Variants in PLCB2 observed in about 807,000 individuals in gnomAD.
PLCB2 encodes the protein phospholipase C beta 2, also known as 1-phosphatidylinositol 4,5-bisphosphate phosphodiesterase beta-2.
PLCB2 carries 115 observed loss-of-function variants against 141.7 expected under a neutral mutation model. The observed-to-expected ratio is 0.81, with a 90% CI of 0.70 to 0.95. The LOEUF is 0.95. PLCB2 is among the 40% of genes least tolerant of loss of function. PLCB2 has a pLI of 0.00. For missense variants in PLCB2, 1,403 were observed against 1,541.1 expected (o/e 0.91, Z 1.50); for synonymous variants, 603 against 595.6 (o/e 1.01, Z -0.18).
In PLCB2 at chr15:40,289,956, A is replaced by G. The variant is rs71403570; in HGVS notation, c.3267+69T>C. On this transcript the variant is annotated intron_variant, in intron 30 of 31. Coordinates refer to ENST00000260402, the MANE Select transcript of PLCB2 (RefSeq NM_004573.3). ...GAGAGAGAGAGAGAGAGAGAGAGAG[A>G]GAGAGAGAGAGAGTGTGTGTGTGTG... 3.6e-3 allele frequency: 2,422 copies of G among 664,068 alleles called. 38 individuals carry two copies. The African/African-American group carries it at 0.057, about 16-fold the overall frequency. The allele number at this position is 664,068 out of a possible 1,614,324, so 41.1% of individuals were successfully genotyped here.
chr15:40,299,689 C>G (rs1177285927), intron 7 of PLCB2, among the ~76,000 whole-genome samples: 1 of 151,954 alleles, frequency 6.6e-6, no homozygotes, highest in Non-Finnish European at 1.5e-5. Context: ...TTTGGAGACA[C>G]CAAAAGCACC....
chr15:40,301,931 A>G lies in PLCB2; in HGVS notation c.582+26T>C. 2.5e-6 allele frequency: 4 copies of G among 1,602,764 alleles called. No homozygotes were observed. The South Asian group carries it at 3.3e-5, about 13-fold the overall frequency. On this transcript the variant is annotated intron_variant, in intron 7 of 31. Coordinates refer to ENST00000260402, the MANE Select transcript of PLCB2 (RefSeq NM_004573.3). ...CTGGTGGGGACAAGAATGCTGGGGG[A>G]TGGGCAGGGGTGCAGATCCACTCAC...
downstream of PLCB2, chr15:40,286,029 G>A (rs367912152): frequency 1.0e-5 from 10 of 985,388 alleles, no homozygotes; most frequent in African/African-American, 1.7e-5. Context: ...GCCAGGTCTC[G>A]AGCCCTGGAG....
At chr15:40,307,540 G>A (rs540166870) in intron 1 of PLCB2, 49 bp downstream of exon 1, 15 of 1,225,596 alleles carry the variant, frequency 1.2e-5, no homozygotes, top group Middle Eastern at 1.9e-4. Context: ...GTAGCAGCCC[G>A]GCCCCCACCA....
intron 21 of PLCB2, 41 bp downstream of exon 21, chr15:40,292,885 C>T: frequency 7.4e-7 from 1 of 1,346,218 alleles, no homozygotes; most frequent in Non-Finnish European, 1.0e-6. Flanking sequence ...GCACAGGCTC[C>T]TGCTGCTGAT....
At chr15:40,290,210 G>T in intron 29 of PLCB2, 128 bp from the exon 30 acceptor site, 1 of 711,218 alleles carries the variant, frequency 1.4e-6, no homozygotes, top group African/African-American at 1.7e-5. Flanking sequence ...GGGGGCAGGT[G>T]TGGGGACCCA....
intron 30 of PLCB2, 107 bp downstream of exon 30, chr15:40,289,918 C>T: frequency 1.2e-6 from 1 of 868,804 alleles, no homozygotes; most frequent in East Asian, 2.4e-5. Context: ...CCACCCCTTC[C>T]TACTTGTGAA....
intron 1 of PLCB2, among the ~76,000 whole-genome samples, chr15:40,307,095 G>C (rs8023550): frequency 0.3 from 45,181 of 152,168 alleles, 6,989 homozygotes; most frequent in Middle Eastern, 0.35. Flanking sequence ...TTAGGTCCAG[G>C]GGCCTTTTGT....
intron 21 of PLCB2, 131 bp downstream of exon 21, chr15:40,292,795 G>C (rs2040006281): frequency 3.2e-6 from 2 of 632,728 alleles, no homozygotes; most frequent in Middle Eastern, 3.2e-4. Flanking sequence ...GAGAGGTACT[G>C]TTCTGCCCTA....
intron 27 of PLCB2, 77 bp from the exon 28 acceptor site, chr15:40,290,914 G>C (rs2141042870): frequency 7.1e-7 from 1 of 1,405,824 alleles, no homozygotes; most frequent in East Asian, 2.5e-5. Flanking sequence ...GGTCGGTGGA[G>C]GGGAGTCGGT....
Position 40,295,064 on chromosome 15 carries a change from T to A in PLCB2, c.1782-4A>T. The stretch of plus-strand genomic sequence containing the variant: ...GCTCATCTGGCGCTTGTTGTAGCTG[T>A]CCCTGAGTTTAGGACCCTAGCCAAG... On this transcript the variant is annotated splice_polypyrimidine_tract_variant and splice_region_variant and intron_variant, in intron 17 of 31. Coordinates refer to ENST00000260402, the MANE Select transcript of PLCB2 (RefSeq NM_004573.3). 6.2e-7 allele frequency: 1 copy of A among 1,612,020 alleles called. No individual in the cohort carries two copies. The highest frequency in any genetic ancestry group is 8.5e-7 in the Non-Finnish European group (1 of 1,178,446).
rs371535491 is a variant in PLCB2, at chr15:40,292,343, C to T, written c.2427G>A (p.Trp809Ter). ...LEMKDYIPGA[W>*]ADLTVALANP... ...TGGCATGCCATGGGCTCCTACCTGC[C>T]CAAGCACCAGGTATGTAGTCCTTCA... Residue 809 changes from tryptophan (W) to a stop codon, truncating the protein, a stop_gained, in exon 22 of 32, where the codon TGG becomes TGA. Transcript: ENST00000260402. LOFTEE classifies it high-confidence loss of function. 1 of 1,604,522 alleles carries T rather than the reference C, an allele frequency of 6.2e-7. No individual in the cohort carries two copies. Among genetic ancestry groups the T allele is most frequent in the Non-Finnish European group, 8.5e-7 (1 of 1,171,810 alleles).
Position 40,303,756 on chromosome 15 carries a change from C to T in PLCB2, c.162+245G>A, listed in dbSNP as rs1267612845. Reference sequence around the variant, plus strand: ...CATCAGCCTTCAGCAGCAGTGCTTTCGCCTGTCTCTCTCTCTCCCCAAGGG... The same window carrying T: ...CATCAGCCTTCAGCAGCAGTGCTTTTGCCTGTCTCTCTCTCTCCCCAAGGG... On this transcript the variant is annotated intron_variant, in intron 2 of 31. Transcript: ENST00000260402. 4.8e-5 allele frequency: 25 copies of T among 523,416 alleles called. No homozygotes were observed. The East Asian group carries it at 5.0e-4, about 10-fold the overall frequency. 32.4% of individuals were successfully genotyped at this position (523,416 alleles called of 1,614,324 possible).
chr15:40,305,039 G>A (rs936866405), intron 1 of PLCB2, among the ~76,000 whole-genome samples: 1 of 152,142 alleles, frequency 6.6e-6, no homozygotes, highest in African/African-American at 2.4e-5. Flanking sequence ...GAAAATTTTT[G>A]TGGAGAAGCC....
At chr15:40,295,671 C>T (rs1210053415) in intron 16 of PLCB2, among the ~76,000 whole-genome samples, 2 of 152,140 alleles carry the variant, frequency 1.3e-5, no homozygotes, top group Admixed American at 6.5e-5. Flanking sequence ...TAAGCTATGG[C>T]TGAACACGTC....
intron 3 of PLCB2, among the ~76,000 whole-genome samples, chr15:40,302,989 T>C (rs2040598777): frequency 6.6e-6 from 1 of 152,074 alleles, no homozygotes; most frequent in South Asian, 2.1e-4. Context: ...AGTCCGGGGG[T>C]GGGGGTGTAA....
chr15:40,289,243 G>C, intron 31 of PLCB2, 29 bp downstream of exon 31: 1 of 1,578,856 alleles, frequency 6.3e-7, no homozygotes, highest in South Asian at 1.1e-5. Flanking sequence ...ATTCAGTTCT[G>C]CTGGGGGTCC....
chr15:40,290,840 G>T lies in PLCB2; in HGVS notation c.3037-3C>A. ...AGCTCCATCATTTTGGAGATTTGCT[G>T]CAGGGAGAGGAAGTAAGCTTGGCGA... On this transcript the variant is annotated splice_polypyrimidine_tract_variant and splice_region_variant and intron_variant, in intron 27 of 31. Transcript: ENST00000260402. The T allele has an allele frequency of 6.2e-7, 1 of 1,612,302 alleles. No individual in the cohort carries two copies. Among genetic ancestry groups the T allele is most frequent in the Non-Finnish European group, 8.5e-7 (1 of 1,179,602 alleles).
At chr15:40,284,561 G>A, downstream of PLCB2, 1 of 454,556 alleles carries the variant, frequency 2.2e-6, no homozygotes, top group Non-Finnish European at 4.4e-6. Flanking sequence ...GGAATCCCAG[G>A]CCGGGTGCAG....
Sources: gnomAD v4.1 joint callset for allele counts (sites outside exome capture counted in the v4.1 genomes callset) on GRCh38, gnomAD v4.1.1 for gene constraint, MANE v1.5 for transcripts, NCBI Gene and HGNC (gene_info 2026-07-23, HGNC 2026-07-21) for gene names.